The following DISC1 variants were observed in gnomAD, a reference collection of about 807,000 sequenced individuals.
The protein encoded by DISC1 is disrupted in schizophrenia 1 protein.
DISC1 carries 57 observed loss-of-function variants against 84.5 expected under a neutral mutation model. The observed-to-expected ratio is 0.67, with a 90% CI of 0.55 to 0.84. The LOEUF is 0.84. Among genes scored for constraint, DISC1 ranks in the 40% least tolerant of loss-of-function variants. The pLI is 0.00. For synonymous variants in DISC1, 411 were observed against 415.2 expected, an observed-to-expected ratio of 0.99 and a Z score of 0.12; for missense variants, 1,000 against 1,057.8, an observed-to-expected ratio of 0.95 and a Z score of 0.76.
intron 8 of DISC1, among the ~76,000 whole-genome samples, chr1:231,817,323 G>A (rs2081110324): frequency 6.6e-6 from 1 of 152,096 alleles, no homozygotes; most frequent in South Asian, 2.1e-4. Context: ...GACCTCAAGG[G>A]ACCCACCACC....
chr1:231,942,995 T>C (rs1284902310), intron 9 of DISC1, among the ~76,000 whole-genome samples: 1 of 152,246 alleles, frequency 6.6e-6, no homozygotes, highest in African/African-American at 2.4e-5. Flanking sequence ...CCTTTTTCTC[T>C]TCCTTTGTCC....
chr1:231,918,435 T>C (rs16855598), intron 9 of DISC1, among the ~76,000 whole-genome samples: 3,127 of 152,282 alleles, frequency 0.021, 129 homozygotes, highest in African/African-American at 0.072. Flanking sequence ...TCAGATTTAG[T>C]TCCTGGTTGT....
chr1:231,721,177 C>T (rs2069631940), intron 3 of DISC1: 2 of 1,111,730 alleles, frequency 1.8e-6, no homozygotes, highest in South Asian at 2.9e-5. Flanking sequence ...GGAAATAATA[C>T]ATATAAAAAC....
In DISC1 at chr1:231,957,557, G is replaced by A. The variant is rs549588874; in HGVS notation, c.1982-1271G>A. Among the ~76,000 whole-genome samples the A allele has an allele frequency of 2.0e-5, 3 of 152,240 alleles. No individual in the cohort carries two copies. In the East Asian group the frequency reaches 5.8e-4, roughly 29 times the overall value. On this transcript the variant is annotated intron_variant, in intron 9 of 12. Coordinates refer to ENST00000439617, the MANE Select transcript of DISC1 (RefSeq NM_018662.3). ...AGTGTGTGGCACATAAATATGTATG[G>A]GATGTGAAACAGAGAGGGCGTTTCT... is the stretch of plus-strand genomic sequence containing the variant.
intron 1 of DISC1, among the ~76,000 whole-genome samples, chr1:231,668,862 A>G (rs1437395382): frequency 6.6e-6 from 1 of 152,210 alleles, no homozygotes; most frequent in Non-Finnish European, 1.5e-5. Context: ...ATTACTGCCC[A>G]CTGTGACAGA....
intron 10 of DISC1, among the ~76,000 whole-genome samples, chr1:231,968,829 G>A (rs1661492390): frequency 6.6e-6 from 1 of 152,124 alleles, no homozygotes; most frequent in African/African-American, 2.4e-5. Flanking sequence ...GAATCAGATA[G>A]TCTAGATTCA....
chr1:231,908,635 A>T (rs187258093), intron 9 of DISC1, among the ~76,000 whole-genome samples: 15 of 152,174 alleles, frequency 9.9e-5, no homozygotes, highest in African/African-American at 3.6e-4. Context: ...TTGGCTTAGG[A>T]TTGTCTTGGC....
At chr1:232,016,016 G>A (rs1668463606) in intron 11 of DISC1, among the ~76,000 whole-genome samples, 1 of 152,168 alleles carries the variant, frequency 6.6e-6, no homozygotes, top group Admixed American at 6.5e-5. Context: ...TTGAGGGAAA[G>A]AGTAGATACC....
intron 10 of DISC1, among the ~76,000 whole-genome samples, chr1:231,971,022 A>C (rs961665046): frequency 2.0e-5 from 3 of 152,220 alleles, no homozygotes; most frequent in African/African-American, 7.2e-5. Context: ...CATTATCCCC[A>C]GATATGTCAA....
At chr1:231,747,126 T>C (rs1350389072) in intron 3 of DISC1, among the ~76,000 whole-genome samples, 1 of 152,132 alleles carries the variant, frequency 6.6e-6, no homozygotes, top group Non-Finnish European at 1.5e-5. Context: ...AGATGGTGTT[T>C]CACCATGTTT....
intron 6 of DISC1, among the ~76,000 whole-genome samples, chr1:231,781,723 G>T (rs960802527): frequency 6.7e-6 from 1 of 149,282 alleles, no homozygotes; most frequent in Non-Finnish European, 1.5e-5. Flanking sequence ...TTTCCTTTTT[G>T]TAAGTTGTAT....
At chr1:231,707,411 C>T (rs572709034) in intron 3 of DISC1, among the ~76,000 whole-genome samples, 131 of 152,296 alleles carry the variant, frequency 8.6e-4, no homozygotes, top group Non-Finnish European at 1.6e-3. Context: ...AGAGCTTTCC[C>T]TTCCTTTGCT....
chr1:231,663,686 T>C (rs912686411), intron 1 of DISC1, among the ~76,000 whole-genome samples: 3 of 152,214 alleles, frequency 2.0e-5, no homozygotes, highest in African/African-American at 7.2e-5. Context: ...ACGTGTTGCA[T>C]ATACCTATAC....
chr1:231,872,025 G>A (rs2085500571), intron 9 of DISC1, among the ~76,000 whole-genome samples: 1 of 152,190 alleles, frequency 6.6e-6, no homozygotes, highest in Non-Finnish European at 1.5e-5. Context: ...ACTCTGCCAG[G>A]CAGAGGCCCT....
chr1:231,747,975 T>C (rs1411643762), intron 3 of DISC1, among the ~76,000 whole-genome samples: 6 of 152,180 alleles, frequency 3.9e-5, no homozygotes, highest in Non-Finnish European at 8.8e-5. Flanking sequence ...TATTTCTAGG[T>C]ATTTTAATAT....
rs114681586 is a variant in DISC1 at position 231,763,744 on chromosome 1, A to G, written c.1269-3396A>G. 3.9e-3 allele frequency among the ~76,000 whole-genome samples: 600 copies of G among 152,280 alleles called. 2 individuals are homozygous for G. Among genetic ancestry groups the G allele is most frequent in the African/African-American group, 0.014 (587 of 41,556 alleles). On this transcript the variant is annotated intron_variant, in intron 4 of 12. Coordinates refer to ENST00000439617, the MANE Select transcript of DISC1 (RefSeq NM_018662.3). ...TACCATCATTGGTCCATGCCTTGCAATTGCCCATTTCTTCATTGCTTTGTA... is the reference window on the plus strand; with the variant it reads ...TACCATCATTGGTCCATGCCTTGCAGTTGCCCATTTCTTCATTGCTTTGTA...
At chr1:231,722,711 C>T (rs1482325982) in intron 3 of DISC1, 14 of 1,566,694 alleles carry the variant, frequency 8.9e-6, no homozygotes, top group Admixed American at 3.7e-5. Context: ...TGGAAGAATA[C>T]GCTCATTTAT....
intron 5 of DISC1, 22 bp from the exon 6 acceptor site, chr1:231,770,813 C>A (rs751651872): frequency 6.2e-7 from 1 of 1,610,578 alleles, no homozygotes; most frequent in African/African-American, 1.3e-5. Context: ...TTTATAAAAT[C>A]TTGTCTCCTC....
chr1:232,019,444 A>T (rs964982009), intron 11 of DISC1, among the ~76,000 whole-genome samples: 8 of 152,350 alleles, frequency 5.3e-5, no homozygotes, highest in Admixed American at 1.3e-4. Context: ...ATGCCGAGCA[A>T]CCTGTACTTT....
Sources: allele counts gnomAD v4.1 joint callset (sites outside exome capture counted in the v4.1 genomes callset), GRCh38; gene constraint gnomAD v4.1.1; transcripts MANE v1.5; gene names NCBI Gene and HGNC (gene_info 2026-07-23, HGNC 2026-07-21).